SEPTIN9: variants seen among roughly 807,000 people sequenced by gnomAD.
SEPTIN9 encodes septin 9.
SEPTIN9 carries 13 observed loss-of-function variants against 56.6 expected under a neutral mutation model. The ratio of observed to expected loss-of-function variants is 0.23; its 90% CI spans 0.15 to 0.37. The LOEUF is 0.37. Among genes scored for constraint, SEPTIN9 ranks in the 10% least tolerant of loss-of-function variants. The pLI, the probability that SEPTIN9 is intolerant of heterozygous loss-of-function variation, is 1.00. For missense variants in SEPTIN9, 650 were observed against 823.1 expected (o/e 0.79, Z 2.57); for synonymous variants, 332 against 334.1 (o/e 0.99, Z 0.07).
At chr17:77,482,703 TCCCCA>T (rs2039507798) in intron 4 of SEPTIN9, 1 of 579,372 alleles carries the variant, frequency 1.7e-6, no homozygotes, top group African/African-American at 2.2e-5. Flanking sequence ...CCCTCCAGGC[TCCCCA>T]CCGCACCCCA....
intron 8 of SEPTIN9, 60 bp downstream of exon 8, chr17:77,490,919 T>C: frequency 3.1e-6 from 4 of 1,287,690 alleles, no homozygotes; most frequent in Middle Eastern, 3.7e-4. Flanking sequence ...GCTGCAGGCC[T>C]GGCAGGGGCC....
Position 77,355,094 on chromosome 17 carries a change from T to C in SEPTIN9, c.77-46965T>C, listed in dbSNP as rs1406293523. The stretch of plus-strand genomic sequence containing the variant: ...CGATTATTTGGATGATCTGTGCAGC[T>C]TAGCTCGTTGTAGTTGCTCAATAAA... On this transcript the variant is annotated intron_variant, in intron 2 of 11. Coordinates refer to ENST00000427177, the MANE Select transcript of SEPTIN9 (RefSeq NM_001113491.2). 2.0e-5 allele frequency among the ~76,000 whole-genome samples: 3 copies of C among 152,332 alleles called. No individual in the cohort carries two copies. In the East Asian group the frequency reaches 5.8e-4, roughly 29 times the overall value.
At chr17:77,448,440 C>T (rs550815402) in intron 3 of SEPTIN9, among the ~76,000 whole-genome samples, 158 of 151,370 alleles carry the variant, frequency 1.0e-3, no homozygotes, top group African/African-American at 3.5e-3. Flanking sequence ...CACGCCATTG[C>T]GCTCCAGCCT....
chr17:77,339,851 A>T (rs2033672394), intron 2 of SEPTIN9, among the ~76,000 whole-genome samples: 1 of 151,042 alleles, frequency 6.6e-6, no homozygotes, highest in Admixed American at 6.6e-5. Flanking sequence ...ATTGAGACAG[A>T]GTCTCGCTTT....
At chr17:77,314,872 G>A (rs1203058635) in intron 2 of SEPTIN9, among the ~76,000 whole-genome samples, 1 of 152,214 alleles carries the variant, frequency 6.6e-6, no homozygotes, top group Admixed American at 6.5e-5. Context: ...TCCCCACTGG[G>A]TACCAGGGGA....
intron 3 of SEPTIN9, chr17:77,466,485 A>T: frequency 1.0e-6 from 1 of 985,504 alleles, no homozygotes; most frequent in Non-Finnish European, 1.2e-6. Flanking sequence ...CGTGAGCGTG[A>T]GCGAGCCAGG....
At position 77,355,981 on chromosome 17, in the gene SEPTIN9, C is replaced by CAAAA. The variant is rs766969712; in HGVS notation, c.77-46065_77-46062dup. Among the ~76,000 whole-genome samples the CAAAA allele has an allele frequency of 4.3e-5, 4 of 92,414 alleles. No homozygotes were observed. The Admixed American group carries it at 4.7e-4, about 11-fold the overall frequency. The allele number at this position is 92,414 out of a possible 152,430, so 60.6% of individuals were successfully genotyped here. A position where few individuals can be genotyped will look rare whatever the true frequency, so the allele number is the denominator to read the frequency against. On this transcript the variant is annotated intron_variant, in intron 2 of 11. Transcript: ENST00000427177. ...TGGGCGACAGAGCGAGACTCCGTCT[C>CAAAA]AAAAAAAAAAAAAAAATGAAGTGCT...
chr17:77,281,642 G>A, intron 1 of SEPTIN9, 88 bp downstream of exon 1: 1 of 1,302,280 alleles, frequency 7.7e-7, no homozygotes, highest in Non-Finnish European at 1.0e-6. Flanking sequence ...GTGGCGAGGC[G>A]CCCCCGGAGC....
Position 77,371,796 on chromosome 17 carries a change from A to G in SEPTIN9, c.77-30263A>G, listed in dbSNP as rs1407103192. 6.6e-6 allele frequency among the ~76,000 whole-genome samples: 1 copy of G among 152,234 alleles called. No homozygotes were observed. Among genetic ancestry groups the G allele is most frequent in the Non-Finnish European group, 1.5e-5 (1 of 68,044 alleles). ...AAATGTCTGTGGTTTTGCAGTTCCC[A>G]TGTCCACAAACTCACTTGGTTGAAA... On this transcript the variant is annotated intron_variant, in intron 2 of 11. Transcript: ENST00000427177. This position sits in a 1 kb window ranked among gnomAD's most constrained non-coding sequence, Gnocchi z 4.1.
At position 77,397,582 on chromosome 17, in the gene SEPTIN9, G is replaced by C. The variant is rs74944246; in HGVS notation, c.77-4477G>C. Among the ~76,000 whole-genome samples, 519 of 152,266 alleles carry C rather than the reference G, an allele frequency of 3.4e-3. 7 individuals are homozygous for C. Among genetic ancestry groups the C allele is most frequent in the East Asian group, 0.018 (92 of 5,172 alleles). On this transcript the variant is annotated intron_variant, in intron 2 of 11. Transcript: ENST00000427177. The stretch of plus-strand genomic sequence containing the variant: ...GTGAATCTTCACAGGCTGAAATGGG[G>C]GTGAAGGTCTAGTGCGTCCCTCCTC...
chr17:77,325,658 A>T (rs894647490), intron 2 of SEPTIN9, among the ~76,000 whole-genome samples: 6 of 152,180 alleles, frequency 3.9e-5, no homozygotes, highest in Non-Finnish European at 8.8e-5. Flanking sequence ...GCTTCAGGCC[A>T]TGGAGGCTGA....
chr17:77,377,656 G>A (rs556159076), intron 2 of SEPTIN9, among the ~76,000 whole-genome samples: 2 of 152,278 alleles, frequency 1.3e-5, no homozygotes, highest in East Asian at 1.9e-4. Flanking sequence ...GGGTGGGAAG[G>A]ACCATGTGGA....
At chr17:77,419,337 G>C (rs1330061931) in intron 3 of SEPTIN9, among the ~76,000 whole-genome samples, 1 of 148,116 alleles carries the variant, frequency 6.8e-6, no homozygotes, top group Non-Finnish European at 1.5e-5. Context: ...AGCTGGAGGA[G>C]GAGTAACAGG....
At position 77,437,977 on chromosome 17, in the gene SEPTIN9, G is replaced by A. The variant is rs567957381; in HGVS notation, c.721+35274G>A. On this transcript the variant is annotated intron_variant, in intron 3 of 11. Coordinates refer to ENST00000427177, the MANE Select transcript of SEPTIN9 (RefSeq NM_001113491.2). The surrounding 1 kb of genome is among the most constrained non-coding windows in gnomAD (Gnocchi z 5.3). Reference sequence around the variant, plus strand: ...GCACCCATTGAAGGCGGCATCATCCGGGCCTCTCCGGTGGCCATGCATGGG... The same window carrying A: ...GCACCCATTGAAGGCGGCATCATCCAGGCCTCTCCGGTGGCCATGCATGGG... Among the ~76,000 whole-genome samples the A allele has an allele frequency of 2.8e-4, 43 of 152,306 alleles. No individual in the cohort carries two copies. Among genetic ancestry groups the A allele is most frequent in the Admixed American group, 8.5e-4 (13 of 15,298 alleles).
Position 77,327,327 on chromosome 17 carries a change from G to A in SEPTIN9, c.76+20130G>A, listed in dbSNP as rs1298355325. On this transcript the variant is annotated intron_variant, in intron 2 of 11. Coordinates refer to ENST00000427177, the MANE Select transcript of SEPTIN9 (RefSeq NM_001113491.2). This position sits in a 1 kb window ranked among gnomAD's most constrained non-coding sequence, Gnocchi z 5.0. ...CTTCCTGGCCCGTCTCTTGCTCTGG[G>A]CACCCCCCCACTCCGAACGGCCAGA... Among the ~76,000 whole-genome samples, 1 of 152,092 alleles carries A rather than the reference G, an allele frequency of 6.6e-6. No individual in the cohort carries two copies. Among genetic ancestry groups the A allele is most frequent in the African/African-American group, 2.4e-5 (1 of 41,420 alleles).
chr17:77,388,386 T>C (rs927848803), intron 2 of SEPTIN9, among the ~76,000 whole-genome samples: 1 of 152,162 alleles, frequency 6.6e-6, no homozygotes, highest in Non-Finnish European at 1.5e-5. Context: ...CACCCCCTTT[T>C]ACCTGTGACT....
intron 2 of SEPTIN9, among the ~76,000 whole-genome samples, chr17:77,315,118 A>G (rs1403683887): frequency 6.6e-6 from 1 of 152,142 alleles, no homozygotes; most frequent in Non-Finnish European, 1.5e-5. Context: ...GAAAATCTCT[A>G]TTAGGCTCTG....
intron 3 of SEPTIN9, among the ~76,000 whole-genome samples, chr17:77,417,538 G>T (rs770526021): frequency 6.6e-6 from 1 of 152,114 alleles, no homozygotes; most frequent in Non-Finnish European, 1.5e-5. Flanking sequence ...TAGAACATTC[G>T]TAGAGAGGAC....
chr17:77,339,225 T>TG (rs1568001659), intron 2 of SEPTIN9, among the ~76,000 whole-genome samples: 1 of 152,230 alleles, frequency 6.6e-6, no homozygotes, highest in African/African-American at 2.4e-5. Flanking sequence ...GCATCTAGAA[T>TG]GGGGAATCCT....
Sources: gnomAD v4.1 joint callset for allele counts (sites outside exome capture counted in the v4.1 genomes callset) on GRCh38, gnomAD v4.1.1 for gene constraint, Gnocchi (gnomAD v3.1) non-coding constraint, MANE v1.5 for transcripts, NCBI Gene and HGNC (gene_info 2026-07-23, HGNC 2026-07-21) for gene names.